MYZAP: variants seen among roughly 807,000 people sequenced by gnomAD.
MYZAP encodes myocardial zonula adherens protein.
In MYZAP, 66 loss-of-function variants were observed where a neutral mutation model predicts 69.4. The observed-to-expected ratio is 0.95, with a 90% CI of 0.78 to 1.17. The LOEUF (loss-of-function observed/expected upper bound fraction) is 1.17, where lower values mean the gene tolerates loss of function less well. Ranked by LOEUF, MYZAP falls within the 50% of genes most tolerant of loss-of-function variation. The pLI, the probability that MYZAP is intolerant of heterozygous loss-of-function variation, is 0.00. For missense variants in MYZAP, 611 were observed against 556.2 expected (o/e 1.10, Z -0.99); for synonymous variants, 256 against 205.9 (o/e 1.24, Z -2.09).
At chr15:57,620,971 A>G (rs2433201) in intron 3 of MYZAP, among the ~76,000 whole-genome samples, 3,001 of 148,912 alleles carry the variant, frequency 0.02, 111 homozygotes, top group African/African-American at 0.07. Flanking sequence ...ACATGTAATT[A>G]TATATAATTT....
Position 57,646,153 on chromosome 15 carries a change from T to A in MYZAP, c.1119+6608T>A, listed in dbSNP as rs1395603459. 7.0e-6 allele frequency: 9 copies of A among 1,289,240 alleles called. No individual in the cohort carries two copies. The East Asian group carries it at 4.4e-4, about 64-fold the overall frequency. 79.9% of individuals were successfully genotyped at this position (1,289,240 alleles called of 1,614,324 possible). ...TGTCTCCAGATCATGTCGCACGAGCTCTTCTCCAGATTTAGTCTCCGGCTC... is the reference window on the plus strand; with the variant it reads ...TGTCTCCAGATCATGTCGCACGAGCACTTCTCCAGATTTAGTCTCCGGCTC... On this transcript the variant is annotated intron_variant, in intron 10 of 12. Coordinates refer to ENST00000267853, the MANE Select transcript of MYZAP (RefSeq NM_001018100.5).
At chr15:57,643,449 G>T (rs1394770979) in intron 10 of MYZAP, among the ~76,000 whole-genome samples, 1 of 152,240 alleles carries the variant, frequency 6.6e-6, no homozygotes, top group African/African-American at 2.4e-5. Flanking sequence ...CACTGGGAGA[G>T]CTGGGAGGAG....
chr15:57,663,910 A>G (rs777893340), intron 11 of MYZAP, among the ~76,000 whole-genome samples: 4 of 152,156 alleles, frequency 2.6e-5, no homozygotes, highest in Non-Finnish European at 5.9e-5. Context: ...TATTATGACT[A>G]ATTGCTTTTG....
intron 11 of MYZAP, among the ~76,000 whole-genome samples, 194 bp from the exon 12 acceptor site, chr15:57,674,774 C>A (rs369088275): frequency 5.3e-5 from 8 of 152,334 alleles, no homozygotes; most frequent in South Asian, 2.1e-4. Flanking sequence ...TCTGTACATG[C>A]ATAGCAAGCC....
intron 8 of MYZAP, among the ~76,000 whole-genome samples, chr15:57,637,118 G>A (rs1310487703): frequency 6.6e-6 from 1 of 152,088 alleles, no homozygotes; most frequent in African/African-American, 2.4e-5. Context: ...GGGCCCAACT[G>A]GATAACCCAG....
At chr15:57,614,019 T>G (rs2140366443) in intron 2 of MYZAP, among the ~76,000 whole-genome samples, 1 of 152,296 alleles carries the variant, frequency 6.6e-6, no homozygotes, top group Admixed American at 6.5e-5. Flanking sequence ...GTGTTCAGTT[T>G]TTGACCAAAA....
At chr15:57,602,439 C>T (rs1368554158) in intron 1 of MYZAP, among the ~76,000 whole-genome samples, 1 of 152,140 alleles carries the variant, frequency 6.6e-6, no homozygotes, top group Non-Finnish European at 1.5e-5. Flanking sequence ...CCCCAAATTT[C>T]CCACTCTTAT....
intron 2 of MYZAP, among the ~76,000 whole-genome samples, chr15:57,613,314 G>T (rs1327222902): frequency 1.3e-5 from 2 of 151,718 alleles, no homozygotes; most frequent in African/African-American, 4.8e-5. Flanking sequence ...TTTAAAATTT[G>T]TTTTTTTAGT....
chr15:57,617,375 T>G (rs111856803), intron 2 of MYZAP, among the ~76,000 whole-genome samples: 2 of 152,280 alleles, frequency 1.3e-5, no homozygotes, highest in Non-Finnish European at 2.9e-5. Context: ...CTTGGACATG[T>G]TACTGTTTCT....
At chr15:57,683,807 T>A (rs1472117394) in intron 12 of MYZAP, among the ~76,000 whole-genome samples, 1 of 151,746 alleles carries the variant, frequency 6.6e-6, no homozygotes, top group Admixed American at 6.6e-5. Context: ...TCTCTTTTTT[T>A]TTTTGAGATG....
At chr15:57,609,462 A>G (rs188264623) in intron 2 of MYZAP, among the ~76,000 whole-genome samples, 12 of 152,252 alleles carry the variant, frequency 7.9e-5, no homozygotes, top group Admixed American at 7.2e-4. Context: ...TGATTTTCAC[A>G]TGGCATTTTC....
chr15:57,641,555 T>C (rs925080577), intron 10 of MYZAP, among the ~76,000 whole-genome samples: 40 of 152,304 alleles, frequency 2.6e-4, no homozygotes, highest in African/African-American at 9.1e-4. Context: ...GCCCAGTCGT[T>C]GGAAAGAAAT....
intron 10 of MYZAP, chr15:57,648,205 G>T: frequency 1.0e-6 from 1 of 985,286 alleles, no homozygotes; most frequent in Non-Finnish European, 1.2e-6. Context: ...TTTTCTGTAT[G>T]TGTTATATGT....
At chr15:57,623,162 C>T (rs982091963) in intron 4 of MYZAP, among the ~76,000 whole-genome samples, 2 of 152,136 alleles carry the variant, frequency 1.3e-5, no homozygotes, top group African/African-American at 2.4e-5. Flanking sequence ...CTATTAGACC[C>T]GCCAAAGTGC....
chr15:57,662,205 A>G (rs1247515982), intron 11 of MYZAP, among the ~76,000 whole-genome samples: 1 of 152,202 alleles, frequency 6.6e-6, no homozygotes, highest in Non-Finnish European at 1.5e-5. Context: ...GAGAAGTCAA[A>G]ATCTATTTGC....
intron 11 of MYZAP, among the ~76,000 whole-genome samples, chr15:57,668,648 C>T (rs952694518): frequency 1.3e-5 from 2 of 152,002 alleles, no homozygotes; most frequent in African/African-American, 2.4e-5. Context: ...TTCTTCTTTT[C>T]GAGAATCTTT....
At position 57,618,185 on chromosome 15, in the gene MYZAP, A is replaced by G. The variant is rs762406940; in HGVS notation, c.315A>G (p.Lys105=). 4.6e-5 allele frequency: 74 copies of G among 1,613,216 alleles called. No homozygotes were observed. Among genetic ancestry groups the G allele is most frequent in the Non-Finnish European group, 6.1e-5 (72 of 1,179,786 alleles). The change falls in exon 3 of 13, where the codon AAA becomes AAG. Residue 105 remains lysine (K), a synonymous_variant. Coordinates refer to ENST00000267853, the MANE Select transcript of MYZAP (RefSeq NM_001018100.5). The stretch of plus-strand genomic sequence containing the variant: ...TGAAAGAAGAGATGAACTACATCAA[A>G]GATGTGAGCCATTTAAGAGTTTTTG... The part of the protein sequence containing the change: ...SQLKEEMNYI[K]DVRATLEKVR...
At chr15:57,634,358 T>C (rs1206212843) in intron 8 of MYZAP, among the ~76,000 whole-genome samples, 1 of 152,160 alleles carries the variant, frequency 6.6e-6, no homozygotes, top group Non-Finnish European at 1.5e-5. Flanking sequence ...GGGTGACCTT[T>C]AGCAGGTGAC....
chr15:57,667,227 C>G (rs1330336239), intron 11 of MYZAP, among the ~76,000 whole-genome samples: 2 of 152,170 alleles, frequency 1.3e-5, no homozygotes, highest in Non-Finnish European at 2.9e-5. Context: ...ACTCGGCTCC[C>G]CACATGCATT....
Sources: allele counts gnomAD v4.1 joint callset (sites outside exome capture counted in the v4.1 genomes callset), GRCh38; gene constraint gnomAD v4.1.1; transcripts MANE v1.5; gene names NCBI Gene and HGNC (gene_info 2026-07-23, HGNC 2026-07-21).